The following GP6 variants were observed in gnomAD, a reference collection of about 807,000 sequenced individuals.
GP6 encodes platelet glycoprotein VI.
In GP6, 45 loss-of-function variants were observed where a neutral mutation model predicts 37.3. That is an observed-to-expected ratio of 1.21 (90% CI 0.95 to 1.55). The LOEUF (loss-of-function observed/expected upper bound fraction) is 1.55. GP6 is among the 40% of genes most tolerant of loss of function. The pLI, the probability that GP6 is intolerant of heterozygous loss-of-function variation, is 0.00. For synonymous variants in GP6, 340 were observed against 316.4 expected (o/e 1.07, Z -0.79); for missense variants, 813 against 760.2 (o/e 1.07, Z -0.82).
At chr19:55,027,477 C>T (rs1568621686) in intron 4 of GP6, 101 bp downstream of exon 4, 3 of 878,890 alleles carry the variant, frequency 3.4e-6, no homozygotes, top group Non-Finnish European at 5.6e-6. Flanking sequence ...CCCAGGGCTT[C>T]CTGCCCTCCC....
chr19:55,024,366 G>GCACGCACACACGCACATGCACGCACA (rs1555799022), intron 5 of GP6, among the ~76,000 whole-genome samples: 1 of 137,132 alleles, frequency 7.3e-6, no homozygotes, highest in Non-Finnish European at 1.6e-5. Flanking sequence ...ACACACATAT[G>GCACGCACACACGCACATGCACGCACA]CACGCACACA....
rs1448082908 is a variant in GP6 at position 55,038,153 on chromosome 19, A to T, written c.34+50T>A. 2.1e-6 allele frequency: 3 copies of T among 1,424,020 alleles called. No individual in the cohort carries two copies. In the African/African-American group the frequency reaches 4.2e-5, roughly 20 times the overall value. The allele number at this position is 1,424,020 out of a possible 1,614,324, so 88.2% of individuals were successfully genotyped here. On this transcript the variant is annotated intron_variant, in intron 1 of 7. Coordinates refer to ENST00000310373, the MANE Select transcript of GP6 (RefSeq NM_001083899.2). ...ATTTCTTAAAAATCCTTTGTCTGGC[A>T]GTCCATGCCTGTCCTTCAGCATTTC...
intron 5 of GP6, among the ~76,000 whole-genome samples, chr19:55,020,752 G>C (rs1425586624): frequency 6.6e-6 from 1 of 151,948 alleles, no homozygotes; most frequent in Non-Finnish European, 1.5e-5. Context: ...GGGATTGCTG[G>C]GTCAAATGGT....
chr19:55,022,403 A>G (rs2146763225), intron 5 of GP6, among the ~76,000 whole-genome samples: 1 of 152,262 alleles, frequency 6.6e-6, no homozygotes, highest in South Asian at 2.1e-4. Context: ...TTATTAACCC[A>G]CAGCCAATTT....
chr19:55,022,686 A>G lies in GP6; in HGVS notation c.664+2532T>C, dbSNP rs2074126807. Among the ~76,000 whole-genome samples, 3 of 152,242 alleles carry G rather than the reference A, an allele frequency of 2.0e-5. No individual in the cohort carries two copies. In the South Asian group the frequency reaches 6.2e-4, roughly 32 times the overall value. Reference sequence around the variant, plus strand: ...TCTCAGGATACAAAATCAATGTGCAAAAATCACAAGCATTCCTATACACCA... The same window carrying G: ...TCTCAGGATACAAAATCAATGTGCAGAAATCACAAGCATTCCTATACACCA... On this transcript the variant is annotated intron_variant, in intron 5 of 7. Coordinates refer to ENST00000310373, the MANE Select transcript of GP6 (RefSeq NM_001083899.2).
chr19:55,030,488 G>T (rs553345987), intron 3 of GP6, among the ~76,000 whole-genome samples: 1 of 152,068 alleles, frequency 6.6e-6, no homozygotes, highest in Non-Finnish European at 1.5e-5. Context: ...ACAGGAGTGC[G>T]CCACCGCGCC....
intron 6 of GP6, among the ~76,000 whole-genome samples, chr19:55,018,008 C>G (rs922612543): frequency 3.3e-5 from 5 of 152,088 alleles, no homozygotes; most frequent in Non-Finnish European, 4.4e-5. Context: ...GCAGAGGTTA[C>G]AGTGAGCCGA....
At chr19:55,030,895 C>T (rs2074537793) in intron 3 of GP6, among the ~76,000 whole-genome samples, 1 of 152,106 alleles carries the variant, frequency 6.6e-6, no homozygotes, top group Admixed American at 6.6e-5. Context: ...GTCACCCAGG[C>T]TGGAGTGCAG....
At chr19:55,032,113 C>G in intron 3 of GP6, 26 bp downstream of exon 3, 1 of 1,611,494 alleles carries the variant, frequency 6.2e-7, no homozygotes, top group Non-Finnish European at 8.5e-7. Flanking sequence ...CCACGCAGTC[C>G]CAGGCTCCGA....
chr19:55,024,102 C>G (rs1330232848), intron 5 of GP6, among the ~76,000 whole-genome samples: 1 of 152,192 alleles, frequency 6.6e-6, no homozygotes, highest in Admixed American at 6.5e-5. Context: ...TGTCAAATTC[C>G]TGGTTTTTAT....
At chr19:55,017,078 T>G (rs1234041418) in intron 6 of GP6, among the ~76,000 whole-genome samples, 1 of 151,254 alleles carries the variant, frequency 6.6e-6, no homozygotes, top group Non-Finnish European at 1.5e-5. Context: ...ATTGTCCATC[T>G]GCGGTTCCCA....
At chr19:55,037,498 C>T (rs186992736) in intron 1 of GP6, among the ~76,000 whole-genome samples, 33 of 151,982 alleles carry the variant, frequency 2.2e-4, no homozygotes, top group East Asian at 1.5e-3. Flanking sequence ...CCACCACACC[C>T]GGCTAATTTT....
At chr19:55,024,882 G>A (rs2074245414) in intron 5 of GP6, among the ~76,000 whole-genome samples, 3 of 15,604 alleles carry the variant, frequency 1.9e-4, no homozygotes, top group South Asian at 3.7e-3. Context: ...AGGTTTGTTG[G>A]TTGGTTGGTT....
At chr19:55,025,326 A>C (rs1053752905) in intron 4 of GP6, 55 bp from the exon 5 acceptor site, 1 of 1,098,742 alleles carries the variant, frequency 9.1e-7, no homozygotes, top group African/African-American at 1.6e-5. Context: ...GGTCCTGAAC[A>C]AATAACGAAA....
At chr19:55,028,011 G>T (rs2074378877) in intron 3 of GP6, 149 bp from the exon 4 acceptor site, 2 of 790,942 alleles carry the variant, frequency 2.5e-6, no homozygotes, top group Admixed American at 3.8e-5. Flanking sequence ...TCACAGAGAG[G>T]TCGAGTCACC....
chr19:55,026,894 A>G, intron 4 of GP6, among the ~76,000 whole-genome samples: 1 of 151,798 alleles, frequency 6.6e-6, no homozygotes, highest in East Asian at 1.9e-4. Flanking sequence ...AAAAAAAAAA[A>G]AAAGAAACCT....
chr19:55,035,998 G>A (rs1289738853), intron 1 of GP6, among the ~76,000 whole-genome samples: 5 of 151,174 alleles, frequency 3.3e-5, no homozygotes, highest in Admixed American at 2.6e-4. Flanking sequence ...ACTTAAACCC[G>A]GGAGGTGGAG....
chr19:55,033,452 G>A (rs1375626766), intron 1 of GP6, among the ~76,000 whole-genome samples: 607 of 124,948 alleles, frequency 4.9e-3, no homozygotes, highest in Admixed American at 7.8e-3. Flanking sequence ...CGTGTTAGAC[G>A]CGGTGGGCTC....
At position 55,014,303 on chromosome 19, in the gene GP6, GA is replaced by G; in HGVS notation, c.1641del (p.His548IlefsTer12). ...GTTTTTTTGTTTTGTTGGTAGAGAT[GA>G]GGTTTCACCATGTTGCACAGGCTGA... On this transcript the variant is annotated frameshift_variant, in exon 8 of 8. Coordinates refer to ENST00000310373, the MANE Select transcript of GP6 (RefSeq NM_001083899.2). LOFTEE classifies it high-confidence loss of function. 1 of 1,504,044 alleles carries G rather than the reference GA, an allele frequency of 6.6e-7. No individual in the cohort carries two copies. The highest frequency in any genetic ancestry group is 9.2e-7 in the Non-Finnish European group (1 of 1,082,226). 93.2% of individuals were successfully genotyped at this position (1,504,044 alleles called of 1,614,324 possible). A position where few individuals can be genotyped will look rare whatever the true frequency, so the allele number is the denominator to read the frequency against.
Sources: gnomAD v4.1 joint callset for allele counts (sites outside exome capture counted in the v4.1 genomes callset) on GRCh38, gnomAD v4.1.1 for gene constraint, MANE v1.5 for transcripts, NCBI Gene and HGNC (gene_info 2026-07-23, HGNC 2026-07-21) for gene names.